SVIL: variants seen among roughly 807,000 people sequenced by gnomAD.
SVIL encodes archvillin.
A neutral mutation model predicts 240.4 loss-of-function variants in SVIL; 101 were observed. That is an observed-to-expected ratio of 0.42 (90% confidence interval 0.36 to 0.50). SVIL has a LOEUF of 0.50. Among genes scored for constraint, SVIL ranks in the 20% least tolerant of loss-of-function variants. The pLI is 0.01. For missense variants in SVIL, 2,512 were observed against 2,818.7 expected, an observed-to-expected ratio of 0.89 and a Z score of 2.46; for synonymous variants, 999 against 1,100.0, an observed-to-expected ratio of 0.91 and a Z score of 1.82.
chr10:29,613,355 TG>T (rs1198834405), intron 1 of SVIL, among the ~76,000 whole-genome samples: 1 of 151,810 alleles, frequency 6.6e-6, no homozygotes, highest in Non-Finnish European at 1.5e-5. Context: ...TTATTTAGAG[TG>T]GGGTGTTGCT....
chr10:29,490,601 A>C (rs955529308), intron 22 of SVIL, among the ~76,000 whole-genome samples: 4 of 144,716 alleles, frequency 2.8e-5, no homozygotes, highest in Non-Finnish European at 4.6e-5. Flanking sequence ...AAAAAAAAAA[A>C]AACCAAACCC....
chr10:29,545,615 A>G (rs1196986684), intron 6 of SVIL, among the ~76,000 whole-genome samples: 1 of 152,062 alleles, frequency 6.6e-6, no homozygotes, highest in Non-Finnish European at 1.5e-5. Context: ...CCAGCATTTT[A>G]GGACGCCGAG....
At chr10:29,563,990 C>G (rs1307238696) in intron 2 of SVIL, among the ~76,000 whole-genome samples, 3 of 152,074 alleles carry the variant, frequency 2.0e-5, no homozygotes, top group Non-Finnish European at 4.4e-5. Flanking sequence ...TCTCCAAGAC[C>G]CTAAGAGGTA....
chr10:29,516,366 C>T (rs1425099662), intron 16 of SVIL, among the ~76,000 whole-genome samples: 3 of 152,304 alleles, frequency 2.0e-5, no homozygotes, highest in Admixed American at 6.5e-5. Flanking sequence ...GAGCACATGA[C>T]GAATAACTTG....
At position 29,725,812 on chromosome 10, in the gene SVIL, A is replaced by G. The variant is rs545241372; in HGVS notation, c.-400+9939T>C. ...TGAATATGAAGAATACTCAGAGAAA[A>G]TGCATAATTACAGACACTGAGGAAC... On this transcript the variant is annotated intron_variant, in intron 1 of 35. Transcript: ENST00000375400. 2.6e-5 allele frequency among the ~76,000 whole-genome samples: 4 copies of G among 152,234 alleles called. No individual in the cohort carries two copies. The South Asian group carries it at 6.2e-4, about 24-fold the overall frequency.
chr10:29,677,245 C>T (rs1246486183), intron 2 of SVIL, among the ~76,000 whole-genome samples: 1 of 152,156 alleles, frequency 6.6e-6, no homozygotes, highest in East Asian at 1.9e-4. Flanking sequence ...TCACTTTCCA[C>T]CCCCAAGTAG....
rs1229350801 is a variant in SVIL at position 29,488,516 on chromosome 10, C to T, written c.4348+85G>A. The stretch of plus-strand genomic sequence containing the variant: ...GTGTGCGTTCCTTTCCCGGCACAGG[C>T]AATGAATTACAGAGTCAGGACTCCG... On this transcript the variant is annotated intron_variant, in intron 23 of 37. Transcript: ENST00000355867. 3 of 1,387,550 alleles carry T rather than the reference C, an allele frequency of 2.2e-6. No individual in the cohort carries two copies. The Admixed American group carries it at 1.0e-4, about 48-fold the overall frequency. The allele number at this position is 1,387,550 out of a possible 1,614,324, so 86.0% of individuals were successfully genotyped here. A position where few individuals can be genotyped will look rare whatever the true frequency, so the allele number is the denominator to read the frequency against.
At chr10:29,693,890 G>T (rs1272977257) in intron 1 of SVIL, among the ~76,000 whole-genome samples, 1 of 152,074 alleles carries the variant, frequency 6.6e-6, no homozygotes, top group African/African-American at 2.4e-5. Context: ...CTAAAAAATG[G>T]AGTGTTTTGG....
In SVIL at chr10:29,527,025, T is replaced by C. The variant is rs1950970043; in HGVS notation, c.2278A>G (p.Thr760Ala). 6.2e-7 allele frequency: 1 copy of C among 1,613,606 alleles called. No homozygotes were observed. Among genetic ancestry groups the C allele is most frequent in the Admixed American group, 1.7e-5 (1 of 59,944 alleles). ...GGAAGTCTCGCCATTACAGGGTGGG[T>C]GCCCCCAGAACACGAAGCGGGGATA... ...EPIPASCSGG[T>A]HPVMARLPSP... Residue 760 changes from threonine (T) to alanine (A), a missense_variant, in exon 13 of 38, where the codon ACC becomes GCC. By Grantham distance (58) the Thr-to-Ala change is moderately conservative (BLOSUM62 0). This residue lies in a region of SVIL where 1,443 missense variants were observed against 1,486.6 expected (regional missense o/e 0.97). Transcript: ENST00000355867.
In SVIL at chr10:29,473,892, C is replaced by T. The variant is rs1180829415; in HGVS notation, c.5475G>A (p.Glu1825=). The T allele has an allele frequency of 2.5e-6, 4 of 1,613,974 alleles. No homozygotes were observed. Among genetic ancestry groups the T allele is most frequent in the Non-Finnish European group, 3.4e-6 (4 of 1,180,032 alleles). ...FWQGRHSTVS[E]KGTSALMTVE... ...CCGTCATCAGCGCCGACGTGCCCTT[C>T]TCACTCACGGTGGAGTGCCGGCCTT... The change falls in exon 30 of 38, where the codon GAG becomes GAA. Residue 1825 remains glutamate (E), a synonymous_variant. Transcript: ENST00000355867.
rs138703210 is a variant in SVIL, at chr10:29,604,635, C to T, written c.-201+29785G>A. Among the ~76,000 whole-genome samples the T allele has an allele frequency of 4.0e-3, 603 of 151,922 alleles. 6 individuals are homozygous for T. Among genetic ancestry groups the T allele is most frequent in the East Asian group, 0.015 (75 of 5,154 alleles). On this transcript the variant is annotated intron_variant, in intron 1 of 37. Transcript: ENST00000355867. ...GCTGGAGTGCAGTGGCACAATCATA[C>T]GTCACTGCAGCCTCGATCTCCTGCT...
At position 29,551,252 on chromosome 10, in the gene SVIL, C is replaced by G. The variant is rs748201148; in HGVS notation, c.172G>C (p.Glu58Gln). ...GAAGAATCAGAAGTTTCCTCCTCTT[C>G]ATTTGATCGGCCTACAAGAAGGTCA... ...PASPHIGRSN[E>Q]EEETSDSSLE... Residue 58 changes from glutamate (E) to glutamine (Q), a missense_variant, in exon 6 of 38, where the codon GAA becomes CAA. This residue lies in a region of SVIL where 1,443 missense variants were observed against 1,486.6 expected (regional missense o/e 0.97). Transcript: ENST00000355867. The G allele has an allele frequency of 7.5e-6, 12 of 1,594,664 alleles. No homozygotes were observed. In the South Asian group the frequency reaches 1.4e-4, roughly 18 times the overall value.
intron 1 of SVIL, among the ~76,000 whole-genome samples, chr10:29,710,897 C>T (rs1197584524): frequency 6.6e-6 from 1 of 152,072 alleles, no homozygotes; most frequent in African/African-American, 2.4e-5. Context: ...TAGAACAAAG[C>T]CTTGAATTTA....
chr10:29,579,953 C>T (rs140263534), intron 1 of SVIL, among the ~76,000 whole-genome samples: 8 of 152,124 alleles, frequency 5.3e-5, no homozygotes, highest in African/African-American at 1.7e-4. Context: ...GACTTATCCT[C>T]ATATGCAGAT....
intron 1 of SVIL, among the ~76,000 whole-genome samples, chr10:29,720,535 ATTATT>A (rs1342971374): frequency 6.6e-6 from 1 of 152,254 alleles, no homozygotes; most frequent in East Asian, 1.9e-4. Context: ...GCTAAAGTAA[ATTATT>A]TTAAGTAGAA....
intron 1 of SVIL, among the ~76,000 whole-genome samples, chr10:29,581,058 A>G (rs1955924290): frequency 6.6e-6 from 1 of 152,274 alleles, no homozygotes; most frequent in South Asian, 2.1e-4. Flanking sequence ...AAGAAGTGCT[A>G]TGGAAATGAT....
At chr10:29,660,390 T>C (rs982334696) in intron 2 of SVIL, among the ~76,000 whole-genome samples, 1 of 151,950 alleles carries the variant, frequency 6.6e-6, no homozygotes, top group Admixed American at 6.6e-5. Context: ...AGTGAGAGGA[T>C]CAATTGAGCC....
intron 36 of SVIL, among the ~76,000 whole-genome samples, chr10:29,461,833 C>G (rs539787261): frequency 6.6e-6 from 1 of 152,320 alleles, no homozygotes; most frequent in East Asian, 1.9e-4. Context: ...CACCTCCATT[C>G]ATTCAGTTTT....
intron 17 of SVIL, among the ~76,000 whole-genome samples, chr10:29,500,949 G>A (rs1172118962): frequency 1.3e-5 from 2 of 152,158 alleles, no homozygotes; most frequent in African/African-American, 4.8e-5. Flanking sequence ...GGAGTTGACA[G>A]AGGAAAGGCG....
Sources: gnomAD v4.1 joint callset for allele counts (sites outside exome capture counted in the v4.1 genomes callset) on GRCh38, gnomAD v4.1.1 for gene constraint, gnomAD v4.1.1 regional missense constraint, MANE v1.5 for transcripts, NCBI Gene and HGNC (gene_info 2026-07-23, HGNC 2026-07-21) for gene names.